MIS18BP1: variants seen among roughly 807,000 people sequenced by gnomAD.
MIS18BP1 encodes mis18-binding protein 1.
MIS18BP1 carries 72 observed loss-of-function variants against 116.1 expected under a neutral mutation model. That is an observed-to-expected ratio of 0.62 (90% CI 0.51 to 0.75). The LOEUF is 0.75. Ranked by LOEUF, MIS18BP1 falls within the 30% of genes least tolerant of loss-of-function variation. The pLI is 0.00. For synonymous variants in MIS18BP1, 386 were observed against 427.0 expected (o/e 0.90, Z 1.18); for missense variants, 1,363 against 1,303.2 (o/e 1.05, Z -0.71).
At position 45,204,165 on chromosome 14, in the gene MIS18BP1, C is replaced by G. The variant is rs1277966850; in HGVS notation, c.3343G>C (p.Glu1115Gln). 6.2e-7 allele frequency: 1 copy of G among 1,611,700 alleles called. No individual in the cohort carries two copies. Among genetic ancestry groups the G allele is most frequent in the Middle Eastern group, 1.7e-4 (1 of 6,042 alleles). ...TCTTTCTCTTCTTCATCTAAAGATT[C>G]CACAGCATTAGTGAAAAGTTTTCCA... ...GIGKLFTNAV[E>Q]SLDEEEKDYY... is the part of the protein sequence containing the mutation. Residue 1115 changes from glutamate (E) to glutamine (Q), a missense_variant, in exon 17 of 17, where the codon GAA (glutamate) becomes CAA (glutamine). By Grantham distance (29) the Glu-to-Gln change is conservative. Transcript: ENST00000310806.
At chr14:45,209,527 T>C (rs1468452253) in intron 14 of MIS18BP1, among the ~76,000 whole-genome samples, 1 of 152,056 alleles carries the variant, frequency 6.6e-6, no homozygotes. Context: ...AAATGGGGTC[T>C]TCCTATGTTG....
Position 45,208,330 on chromosome 14 carries a change from G to GTT in MIS18BP1, c.3152+2048_3152+2049dup, listed in dbSNP as rs1166566812. On this transcript the variant is annotated intron_variant, in intron 14 of 16. Coordinates refer to ENST00000310806, the MANE Select transcript of MIS18BP1 (RefSeq NM_018353.5). ...ATTCAACGGCCAAAAGGATGAAGTT[G>GTT]TTTTTTTTTTTTTTTTTTTGGAGAC... Among the ~76,000 whole-genome samples, 516 of 120,884 alleles carry GTT rather than the reference G, an allele frequency of 4.3e-3. 6 individuals carry two copies. The highest frequency in any genetic ancestry group is 0.01 in the East Asian group (42 of 4,136). 79.3% of individuals were successfully genotyped at this position (120,884 alleles called of 152,430 possible).
At chr14:45,235,043 C>T (rs1230393479) in intron 6 of MIS18BP1, among the ~76,000 whole-genome samples, 1 of 151,880 alleles carries the variant, frequency 6.6e-6, no homozygotes, top group Non-Finnish European at 1.5e-5. Context: ...CATGGTGACA[C>T]CCTGTCTCAA....
chr14:45,246,100 T>C (rs1041760766), intron 2 of MIS18BP1, among the ~76,000 whole-genome samples: 1 of 152,144 alleles, frequency 6.6e-6, no homozygotes, highest in Non-Finnish European at 1.5e-5. Flanking sequence ...TTTAAAAACA[T>C]TGTCATTGTA....
rs1055313143 is a variant in MIS18BP1, at chr14:45,233,469, A to G, written c.1349-649T>C. On this transcript the variant is annotated intron_variant, in intron 6 of 16. Coordinates refer to ENST00000310806, the MANE Select transcript of MIS18BP1 (RefSeq NM_018353.5). The stretch of plus-strand genomic sequence containing the variant: ...CCAAGCAGAGGAGCTACAGGATCTA[A>G]TTTACTTTAACTGGACTGCTAAAGC... Among the ~76,000 whole-genome samples the G allele has an allele frequency of 7.9e-5, 12 of 152,272 alleles. 1 individual carries two copies. The South Asian group carries it at 2.5e-3, about 32-fold the overall frequency.
chr14:45,236,298 AT>A (rs1307249213), intron 5 of MIS18BP1, among the ~76,000 whole-genome samples: 1 of 152,184 alleles, frequency 6.6e-6, no homozygotes, highest in African/African-American at 2.4e-5. Context: ...TTCAGGGTCT[AT>A]ACTGTGTTAG....
At chr14:45,253,014 G>C (rs777123172) in intron 1 of MIS18BP1, 21 bp downstream of exon 1, 19 of 152,284 alleles carry the variant, frequency 1.2e-4, no homozygotes, top group African/African-American at 4.6e-4. Context: ...GAGGTTAGCG[G>C]AGGGCGCGGG....
chr14:45,217,430 T>C (rs1405745822), intron 12 of MIS18BP1, among the ~76,000 whole-genome samples: 1 of 151,906 alleles, frequency 6.6e-6, no homozygotes, highest in Non-Finnish European at 1.5e-5. Context: ...TCTAAAAAAA[T>C]ACAGATATAG....
In MIS18BP1 at chr14:45,224,027, T is replaced by C. The variant is rs568765967; in HGVS notation, c.2560A>G (p.Ile854Val). 1.1e-5 allele frequency: 18 copies of C among 1,613,886 alleles called. No homozygotes were observed. Among genetic ancestry groups the C allele is most frequent in the South Asian group, 5.5e-5 (5 of 91,072 alleles). Residue 854 changes from isoleucine (I) to valine (V), a missense_variant, in exon 11 of 17, where the codon ATT becomes GTT. Transcript: ENST00000310806. ...TTATCAGATCCTACTGCCTCAGTAA[T>C]TGGAAACTCTTTCCTAACACCAGAC... ...QKSGVRKEFP[I>V]TEAVGSDKTN... is the part of the protein sequence containing the mutation.
rs200315368 is a variant in MIS18BP1 at position 45,235,657 on chromosome 14, G to GA, written c.1348+156dup. On this transcript the variant is annotated intron_variant, in intron 6 of 16. Transcript: ENST00000310806. ...TTGTCAATAAGAGTGATAAAAATCA[G>GA]AAAAAAAATTACCAGTTTTATATAA... is the stretch of plus-strand genomic sequence containing the variant. 6.8e-3 allele frequency among the ~76,000 whole-genome samples: 997 copies of GA among 146,550 alleles called. 9 individuals carry two copies. Among genetic ancestry groups the GA allele is most frequent in the Non-Finnish European group, 0.011 (728 of 66,580 alleles).
chr14:45,242,727 G>C, intron 3 of MIS18BP1, 34 bp downstream of exon 3: 1 of 1,553,206 alleles, frequency 6.4e-7, no homozygotes, highest in Non-Finnish European at 8.8e-7. Flanking sequence ...ATATACTTAA[G>C]TAACAAACTG....
In MIS18BP1 at chr14:45,242,779, G is replaced by A. The variant is rs1411986542; in HGVS notation, c.640C>T (p.Leu214=). The part of the protein sequence containing the change: ...IQCQQEKKAP[L]HNLTYELPTL... ...AGTTTACCGTAAGTTAAATTGTGCA[G>A]TGGTGCTTTCTTTTCCTGCTGGCAC... Residue 214 remains leucine, a synonymous_variant, in exon 3 of 17, where the codon CTG becomes TTG. Transcript: ENST00000310806. 3 of 1,610,070 alleles carry A rather than the reference G, an allele frequency of 1.9e-6. No homozygotes were observed. The highest frequency in any genetic ancestry group is 1.3e-5 in the African/African-American group (1 of 74,690).
chr14:45,238,061 C>G (rs137880443), intron 4 of MIS18BP1, among the ~76,000 whole-genome samples: 2 of 151,512 alleles, frequency 1.3e-5, no homozygotes, highest in East Asian at 3.9e-4. Context: ...GCAAAAAGCC[C>G]AGTAACTTGG....
At position 45,253,130 on chromosome 14, in the gene MIS18BP1, C is replaced by T. The variant is rs542518281; in HGVS notation, c.-187G>A. The T allele has an allele frequency of 6.6e-6, 1 of 152,460 alleles. No homozygotes were observed. The highest frequency in any genetic ancestry group is 6.5e-5 in the Admixed American group (1 of 15,308). 9.4% of individuals were successfully genotyped at this position (152,460 alleles called of 1,614,324 possible). ...ACGCCGCCGGGCTCGCGCCTCAGGC[C>T]CACGGTGTATCCTGCCCGCGGCGGC... On this transcript the variant is annotated 5_prime_UTR_variant, in exon 1 of 17. Transcript: ENST00000310806.
chr14:45,228,285 T>G (rs1041106469), intron 8 of MIS18BP1, among the ~76,000 whole-genome samples: 3 of 152,228 alleles, frequency 2.0e-5, no homozygotes, highest in Non-Finnish European at 4.4e-5. Context: ...ACATTTTGTT[T>G]GAATCACTTT....
intron 14 of MIS18BP1, among the ~76,000 whole-genome samples, chr14:45,208,035 G>A (rs1315082672): frequency 1.3e-5 from 2 of 152,112 alleles, no homozygotes; most frequent in African/African-American, 4.8e-5. Context: ...TGTAAGTTAA[G>A]AAATTTCCTT....
chr14:45,242,063 T>G lies in MIS18BP1; in HGVS notation c.1114A>C (p.Thr372Pro), dbSNP rs1375468786. The G allele has an allele frequency of 1.7e-5, 27 of 1,611,754 alleles. No individual in the cohort carries two copies. Among genetic ancestry groups the G allele is most frequent in the Non-Finnish European group, 2.2e-5 (26 of 1,179,246 alleles). ...TTTTTTTTAAGTCCATTTGTAACAG[T>G]TTGAAATATTCTTGGAGGAGAAAGC... ...SKLSPPRIFQ[T>P]VTNGLKKNQV... Residue 372 changes from threonine (T) to proline (P), a missense_variant, in exon 4 of 17, where the codon ACT becomes CCT. Transcript: ENST00000310806.
intron 11 of MIS18BP1, among the ~76,000 whole-genome samples, chr14:45,221,481 ACTTTC>A (rs141059183): frequency 0.075 from 11,443 of 152,130 alleles, 1,162 homozygotes; most frequent in African/African-American, 0.23. Context: ...AATATTTTCT[ACTTTC>A]CTTTAAGTCT....
chr14:45,250,675 A>G (rs569796139), intron 1 of MIS18BP1, among the ~76,000 whole-genome samples: 11 of 152,270 alleles, frequency 7.2e-5, no homozygotes, highest in Admixed American at 4.6e-4. Context: ...TGTACTAGGG[A>G]AAAAAAATTG....
Sources: allele counts gnomAD v4.1 joint callset (sites outside exome capture counted in the v4.1 genomes callset), GRCh38; gene constraint gnomAD v4.1.1; transcripts MANE v1.5; gene names NCBI Gene and HGNC (gene_info 2026-07-23, HGNC 2026-07-21).